Variants in VPS13C observed in about 807,000 individuals in gnomAD.
VPS13C encodes the protein vacuolar protein sorting 13 homolog C.
A neutral mutation model predicts 456.8 loss-of-function variants in VPS13C; 358 were observed. The observed-to-expected ratio is 0.78, with a 90% CI of 0.72 to 0.86. VPS13C has a LOEUF of 0.86. VPS13C is among the 40% of genes least tolerant of loss of function. The pLI is 0.00. For synonymous variants in VPS13C, 1,578 were observed against 1,486.7 expected (o/e 1.06, Z -1.41); for missense variants, 4,818 against 4,385.4 (o/e 1.10, Z -2.79).
chr15:61,911,742 A>G, intron 63 of VPS13C, 98 bp downstream of exon 63: 1 of 1,150,156 alleles, frequency 8.7e-7, no homozygotes, highest in South Asian at 2.9e-5. Flanking sequence ...CAACACATAA[A>G]TATGATAGTC....
chr15:61,929,408 T>C, intron 51 of VPS13C, 93 bp downstream of exon 51: 1 of 1,471,604 alleles, frequency 6.8e-7, no homozygotes, highest in South Asian at 1.4e-5. Flanking sequence ...AGACTAATTT[T>C]ACGTTCTTAA....
At position 61,954,525 on chromosome 15, in the gene VPS13C, T is replaced by C. The variant is rs370820916; in HGVS notation, c.4195A>G (p.Ile1399Val). Residue 1399 changes from isoleucine to valine, a missense_variant, in exon 38 of 85, where the codon ATA (isoleucine) becomes GTA (valine). Ile to Val is a conservative substitution (Grantham distance 29, BLOSUM62 3). Coordinates refer to ENST00000644861, the MANE Select transcript of VPS13C (RefSeq NM_020821.3). ...TTTGAATCATGTACATCTTGTGATA[T>C]AGAGATTTCAAGGGGCTCTTTAATT... Reference protein sequence around the residue: ...GEIKEPLEISISQDVHDSKNT... With the variant: ...GEIKEPLEISVSQDVHDSKNT... 25 of 1,593,694 alleles carry C rather than the reference T, an allele frequency of 1.6e-5. No homozygotes were observed. Among genetic ancestry groups the C allele is most frequent in the Middle Eastern group, 1.7e-4 (1 of 6,022 alleles).
At chr15:62,026,298 A>AT (rs1179179463) in intron 6 of VPS13C, among the ~76,000 whole-genome samples, 1 of 151,900 alleles carries the variant, frequency 6.6e-6, no homozygotes, top group East Asian at 1.9e-4. Flanking sequence ...CACATGTATG[A>AT]TTTTTATCTT....
intron 9 of VPS13C, among the ~76,000 whole-genome samples, chr15:62,016,481 C>A (rs1347743873): frequency 1.5e-5 from 2 of 136,990 alleles, no homozygotes; most frequent in African/African-American, 2.7e-5. Flanking sequence ...TCCAAGTGTT[C>A]TCATTGTTCA....
In VPS13C at chr15:61,947,213, A is replaced by G. The variant is rs772142450; in HGVS notation, c.4856T>C (p.Ile1619Thr). ...CTTACCATGTATTTTAATATCTGCA[A>G]TGTTACACTTCTGATCACAGACAAA... The part of the protein sequence containing the change: ...NVFVCDQKCN[I>T]ADIKIHGMDA... The change falls in exon 43 of 85, where the codon ATT (isoleucine) becomes ACT (threonine). Residue 1619 changes from isoleucine (I) to threonine (T), a missense_variant. Around this residue, in one of 3 missense-constraint regions of VPS13C, gnomAD observed 4,552 missense variants for 4,130.6 expected, o/e 1.10. Coordinates refer to ENST00000644861, the MANE Select transcript of VPS13C (RefSeq NM_020821.3). 110 of 1,596,562 alleles carry G rather than the reference A, an allele frequency of 6.9e-5. No individual in the cohort carries two copies. The highest frequency in any genetic ancestry group is 3.2e-4 in the East Asian group (14 of 43,904).
intron 79 of VPS13C, 86 bp downstream of exon 79, chr15:61,871,903 G>C (rs1423631017): frequency 7.6e-6 from 9 of 1,176,844 alleles, no homozygotes; most frequent in Non-Finnish European, 1.1e-5. Context: ...TCTCAATCAA[G>C]TATATAGCAG....
At chr15:62,037,195 TAA>T (rs2140671705) in intron 3 of VPS13C, among the ~76,000 whole-genome samples, 1 of 112,796 alleles carries the variant, frequency 8.9e-6, no homozygotes, top group South Asian at 2.3e-4. Context: ...ATAAATATAA[TAA>T]ATATAATATA....
At chr15:61,880,984 A>G (rs770684208) in intron 71 of VPS13C, 30 bp from the exon 72 acceptor site, 42 of 1,524,828 alleles carry the variant, frequency 2.8e-5, no homozygotes, top group Non-Finnish European at 3.8e-5. Flanking sequence ...ATGGAAAAGG[A>G]TTTCTACCAA....
At chr15:62,039,333 G>A (rs139883719) in intron 3 of VPS13C, among the ~76,000 whole-genome samples, 1 of 152,132 alleles carries the variant, frequency 6.6e-6, no homozygotes, top group East Asian at 1.9e-4. Context: ...CAACTCAAAG[G>A]TGGAAAATCT....
chr15:62,007,860 A>C (rs971016230), intron 14 of VPS13C, among the ~76,000 whole-genome samples: 4 of 152,172 alleles, frequency 2.6e-5, no homozygotes, highest in African/African-American at 9.7e-5. Flanking sequence ...TAATCCCAGC[A>C]CTTTGAGAGG....
chr15:62,037,461 T>TAATATAATGAATTTATTATATTGTAAG (rs2048097093), intron 3 of VPS13C, among the ~76,000 whole-genome samples: 1 of 81,746 alleles, frequency 1.2e-5, no homozygotes, highest in African/African-American at 4.3e-5. Flanking sequence ...TATATAAATA[T>TAATATAATGAATTTATTATATTGTAAG]AATATAATAA....
Position 61,920,651 on chromosome 15 carries a change from T to G in VPS13C, c.7063-4A>C, listed in dbSNP as rs745798981. The G allele has an allele frequency of 2.6e-6, 4 of 1,558,786 alleles. No homozygotes were observed. The South Asian group carries it at 4.9e-5, about 19-fold the overall frequency. Reference sequence around the variant, plus strand: ...CCTGAACTGGGTTCTTCTTTACCTATGAAGAAAAATAACACAGCAAATTTA... The same window carrying G: ...CCTGAACTGGGTTCTTCTTTACCTAGGAAGAAAAATAACACAGCAAATTTA... On this transcript the variant is annotated splice_region_variant and splice_polypyrimidine_tract_variant and intron_variant, in intron 55 of 84. Coordinates refer to ENST00000644861, the MANE Select transcript of VPS13C (RefSeq NM_020821.3).
chr15:61,899,720 C>A (rs1296753151), intron 66 of VPS13C, among the ~76,000 whole-genome samples: 1 of 151,034 alleles, frequency 6.6e-6, no homozygotes, highest in Admixed American at 6.6e-5. Flanking sequence ...TGAAACTATT[C>A]CAATCAACAG....
intron 82 of VPS13C, among the ~76,000 whole-genome samples, chr15:61,861,411 T>C (rs1894220179): frequency 6.6e-6 from 1 of 152,234 alleles, no homozygotes; most frequent in South Asian, 2.1e-4. Context: ...GTTTTCTTAC[T>C]ATAAGGGCAA....
At chr15:62,010,932 T>C (rs976526176) in intron 12 of VPS13C, among the ~76,000 whole-genome samples, 9 of 152,138 alleles carry the variant, frequency 5.9e-5, no homozygotes, top group African/African-American at 1.9e-4. Flanking sequence ...CATTTAATGA[T>C]TGTATTATTC....
At chr15:61,966,216 G>A (rs1263066403) in intron 29 of VPS13C, 74 bp from the exon 30 acceptor site, 1 of 1,017,266 alleles carries the variant, frequency 9.8e-7, no homozygotes, top group African/African-American at 1.7e-5. Context: ...ATTATCTCTG[G>A]TTAATTTATT....
chr15:61,993,196 G>C (rs1368001148), intron 16 of VPS13C, among the ~76,000 whole-genome samples: 3 of 152,026 alleles, frequency 2.0e-5, no homozygotes, highest in Admixed American at 1.3e-4. Context: ...AAATCTAAAA[G>C]CAGAAAAAGC....
intron 28 of VPS13C, 45 bp downstream of exon 28, chr15:61,969,254 C>T (rs185739714): frequency 3.5e-4 from 494 of 1,397,736 alleles, no homozygotes; most frequent in Admixed American, 5.2e-4. Flanking sequence ...ACTCAAAAGT[C>T]CTATCTTTAT....
intron 3 of VPS13C, among the ~76,000 whole-genome samples, chr15:62,040,377 G>A (rs929540866): frequency 6.6e-6 from 1 of 152,062 alleles, no homozygotes; most frequent in African/African-American, 2.4e-5. Flanking sequence ...CACAAAGAAA[G>A]GATAAATACT....
Sources: allele counts gnomAD v4.1 joint callset (sites outside exome capture counted in the v4.1 genomes callset), GRCh38; gene constraint gnomAD v4.1.1; regional missense constraint gnomAD v4.1.1; transcripts MANE v1.5; gene names NCBI Gene and HGNC (gene_info 2026-07-23, HGNC 2026-07-21).